The following PDE6A variants were observed in gnomAD, a reference collection of about 807,000 sequenced individuals.
PDE6A encodes the protein rod cGMP-specific 3',5'-cyclic phosphodiesterase subunit alpha.
PDE6A carries 84 observed loss-of-function variants against 106.3 expected under a neutral mutation model. The observed-to-expected ratio is 0.79, with a 90% CI of 0.66 to 0.95. The LOEUF is 0.95. Ranked by LOEUF, PDE6A falls within the 40% of genes least tolerant of loss-of-function variation. The pLI is 0.00. For missense variants in PDE6A, 1,052 were observed against 1,084.9 expected (o/e 0.97, Z 0.43); for synonymous variants, 394 against 386.6 (o/e 1.02, Z -0.23).
chr5:149,863,006 G>A lies in PDE6A; in HGVS notation c.2506+113C>T. On this transcript the variant is annotated intron_variant, in intron 21 of 21. Coordinates refer to ENST00000255266, the MANE Select transcript of PDE6A (RefSeq NM_000440.3). The surrounding 1 kb of genome is among the most constrained non-coding windows in gnomAD (Gnocchi z 4.7). Reference sequence around the variant, plus strand: ...TCACACACAGAATGGGGACAGTATTGGCCATCAGGAGGCCTGAATGAGACT... The same window carrying A: ...TCACACACAGAATGGGGACAGTATTAGCCATCAGGAGGCCTGAATGAGACT... The A allele has an allele frequency of 1.6e-6, 2 of 1,255,810 alleles. No individual in the cohort carries two copies. Among genetic ancestry groups the A allele is most frequent in the Non-Finnish European group, 2.3e-6 (2 of 855,892 alleles). 77.8% of individuals were successfully genotyped at this position (1,255,810 alleles called of 1,614,324 possible). A position where few individuals can be genotyped will look rare whatever the true frequency, so the allele number is the denominator to read the frequency against.
intron 17 of PDE6A, among the ~76,000 whole-genome samples, chr5:149,878,503 C>T (rs1443650681): frequency 2.0e-5 from 3 of 152,134 alleles, no homozygotes; most frequent in Non-Finnish European, 4.4e-5. Flanking sequence ...ACTTGGTGCA[C>T]ATGTGGGAGA....
chr5:149,880,896 C>A (rs1760897051), intron 17 of PDE6A, among the ~76,000 whole-genome samples: 1 of 151,656 alleles, frequency 6.6e-6, no homozygotes, highest in African/African-American at 2.4e-5. Context: ...CCGTCTCTAC[C>A]AAAAAATACA....
intron 12 of PDE6A, 55 bp downstream of exon 12, chr5:149,896,301 G>T: frequency 7.0e-7 from 1 of 1,433,316 alleles, no homozygotes; most frequent in South Asian, 1.2e-5. Flanking sequence ...TTTTTTTAAA[G>T]CAAGCAAGAA....
intron 5 of PDE6A, among the ~76,000 whole-genome samples, chr5:149,920,946 GAAAGAAAGA>G: frequency 9.6e-6 from 1 of 104,364 alleles, no homozygotes; most frequent in Non-Finnish European, 1.7e-5. Flanking sequence ...GAGAGAAAAA[GAAAGAAAGA>G]AAGAAAGAAA....
intron 1 of PDE6A, among the ~76,000 whole-genome samples, chr5:149,936,994 A>T (rs1754203804): frequency 6.6e-6 from 1 of 152,210 alleles, no homozygotes; most frequent in African/African-American, 2.4e-5. Flanking sequence ...GAGACAGACA[A>T]AAAAGCAAGT....
intron 8 of PDE6A, among the ~76,000 whole-genome samples, chr5:149,903,352 A>G (rs1581186435): frequency 6.7e-6 from 1 of 149,562 alleles, no homozygotes; most frequent in East Asian, 1.9e-4. Context: ...TATATATTGT[A>G]TAATTGTATA....
chr5:149,890,574 G>A (rs760449758), intron 13 of PDE6A, among the ~76,000 whole-genome samples: 4 of 152,024 alleles, frequency 2.6e-5, no homozygotes, highest in Non-Finnish European at 4.4e-5. Flanking sequence ...TGTTTGCAAC[G>A]GAAATAACCA....
chr5:149,861,785 A>AG (rs1344776654), intron 21 of PDE6A, among the ~76,000 whole-genome samples: 1 of 152,208 alleles, frequency 6.6e-6, no homozygotes, highest in Non-Finnish European at 1.5e-5. Flanking sequence ...AAAAAGAAGG[A>AG]GAAAAAAATG....
chr5:149,914,897 T>G, intron 6 of PDE6A, 46 bp downstream of exon 6: 5 of 1,289,438 alleles, frequency 3.9e-6, no homozygotes, highest in Non-Finnish European at 5.7e-6. Context: ...ATTGAGATCT[T>G]TAAGCTAATT....
chr5:149,868,405 C>T (rs535772728), intron 17 of PDE6A, among the ~76,000 whole-genome samples: 2 of 152,250 alleles, frequency 1.3e-5, no homozygotes, highest in East Asian at 3.9e-4. Context: ...CCTCCATTTC[C>T]CTGTCTGTAA....
chr5:149,877,994 A>G (rs1166497578), intron 17 of PDE6A, among the ~76,000 whole-genome samples: 1 of 152,188 alleles, frequency 6.6e-6, no homozygotes, highest in African/African-American at 2.4e-5. Context: ...TATTTCAAAT[A>G]GTCCCTCCGT....
intron 1 of PDE6A, among the ~76,000 whole-genome samples, chr5:149,937,595 C>A (rs536995316): frequency 6.6e-6 from 1 of 152,232 alleles, no homozygotes; most frequent in East Asian, 1.9e-4. Context: ...CCAGGGTAGT[C>A]CTGAACACCT....
intron 6 of PDE6A, 79 bp from the exon 7 acceptor site, chr5:149,907,457 TC>T: frequency 8.8e-7 from 1 of 1,137,158 alleles, no homozygotes; most frequent in Middle Eastern, 2.0e-4. Flanking sequence ...GTGTTTGCGC[TC>T]CCCCTGCTCT....
intron 8 of PDE6A, 104 bp from the exon 9 acceptor site, chr5:149,899,628 G>A: frequency 1.8e-6 from 2 of 1,122,060 alleles, no homozygotes; most frequent in South Asian, 2.5e-5. Context: ...GAGAGGAGGT[G>A]GCAAGAGGAT....
At chr5:149,890,325 C>T (rs929611971) in intron 13 of PDE6A, among the ~76,000 whole-genome samples, 4 of 151,974 alleles carry the variant, frequency 2.6e-5, no homozygotes, top group Non-Finnish European at 4.4e-5. Context: ...TCAGATGAAC[C>T]CTTAGAACAT....
chr5:149,915,180 A>G (rs1338695801), intron 5 of PDE6A, among the ~76,000 whole-genome samples, 173 bp from the exon 6 acceptor site: 1 of 151,726 alleles, frequency 6.6e-6, no homozygotes, highest in African/African-American at 2.4e-5. Context: ...GACTACAGGC[A>G]CGCACCACCA....
intron 21 of PDE6A, among the ~76,000 whole-genome samples, chr5:149,861,811 T>A (rs1312256359): frequency 6.6e-6 from 1 of 152,186 alleles, no homozygotes; most frequent in Non-Finnish European, 1.5e-5. Context: ...CAAATCTGTA[T>A]TTTTTTATCT....
At chr5:149,937,479 G>A (rs1348481503) in intron 1 of PDE6A, among the ~76,000 whole-genome samples, 1 of 152,164 alleles carries the variant, frequency 6.6e-6, no homozygotes, top group Non-Finnish European at 1.5e-5. Flanking sequence ...CTGAGCTCAA[G>A]CCATCCTCCC....
intron 4 of PDE6A, among the ~76,000 whole-genome samples, chr5:149,925,639 G>T (rs560752932): frequency 6.6e-6 from 1 of 150,898 alleles, no homozygotes; most frequent in Non-Finnish European, 1.5e-5. Flanking sequence ...CCCAGGAGGC[G>T]GAGGTTGCAG....
Sources: allele counts gnomAD v4.1 joint callset (sites outside exome capture counted in the v4.1 genomes callset), GRCh38; gene constraint gnomAD v4.1.1; non-coding constraint Gnocchi (gnomAD v3.1); transcripts MANE v1.5; gene names NCBI Gene and HGNC (gene_info 2026-07-23, HGNC 2026-07-21).